HDX: variants seen among roughly 807,000 people sequenced by gnomAD.
HDX encodes the protein highly divergent homeobox, also known as chromosome X open reading frame 43.
Under a neutral mutation model 45.2 loss-of-function variants are expected in HDX, and 19 were observed. The ratio of observed to expected loss-of-function variants is 0.42; its 90% CI spans 0.29 to 0.62. HDX has a LOEUF of 0.62. Ranked by LOEUF, HDX falls within the 20% of genes least tolerant of loss-of-function variation. The pLI is 0.20. For synonymous variants in HDX, 188 were observed against 172.8 expected (o/e 1.09, Z -0.69); for missense variants, 532 against 493.9 (o/e 1.08, Z -0.73).
rs192206636 is a variant in HDX at position 84,397,137 on chromosome X, G to A, written c.1306-35525C>T. ...ATGCAGCAACTGAAGCTACACTTAA[G>A]GAATTCTGCCACTGCATGGTGGCTT... is the stretch of plus-strand genomic sequence containing the variant. On this transcript the variant is annotated intron_variant, in intron 5 of 10. Transcript: ENST00000373177. Among the ~76,000 whole-genome samples the A allele has an allele frequency of 1.7e-3, 190 of 112,241 alleles. 1 individual carries two copies. Among genetic ancestry groups the A allele is most frequent in the African/African-American group, 5.9e-3 (183 of 30,928 alleles).
At chrX:84,456,804 G>C (rs893531488) in intron 4 of HDX, among the ~76,000 whole-genome samples, 1 of 111,383 alleles carries the variant, frequency 9.0e-6, no homozygotes, top group Non-Finnish European at 1.9e-5. Flanking sequence ...TAATGAAAAG[G>C]GGTCAAAACA....
chrX:84,329,850 T>C (rs895765786), intron 9 of HDX, among the ~76,000 whole-genome samples: 1 of 111,407 alleles, frequency 9.0e-6, no homozygotes, highest in African/African-American at 3.3e-5. Flanking sequence ...TGTTTGAATT[T>C]GATTGTTTTT....
intron 6 of HDX, among the ~76,000 whole-genome samples, chrX:84,347,891 A>G (rs2037242372): frequency 9.0e-6 from 1 of 110,550 alleles, no homozygotes; most frequent in Non-Finnish European, 1.9e-5. Flanking sequence ...TTTATCAATG[A>G]TTTTTACAGT....
intron 1 of HDX, among the ~76,000 whole-genome samples, chrX:84,492,774 C>G (rs765145147): frequency 2.7e-5 from 3 of 111,603 alleles, no homozygotes; most frequent in Non-Finnish European, 3.8e-5. Flanking sequence ...ATCCTGAGAT[C>G]CCTGTCTATG....
chrX:84,473,909 TA>T (rs2040497633), intron 3 of HDX, among the ~76,000 whole-genome samples: 1 of 112,361 alleles, frequency 8.9e-6, no homozygotes, highest in Non-Finnish European at 1.9e-5. Flanking sequence ...TAAAGATATT[TA>T]AAATAAGCTG....
intron 4 of HDX, among the ~76,000 whole-genome samples, chrX:84,464,238 G>C (rs1485041333): frequency 9.0e-6 from 1 of 111,083 alleles, no homozygotes; most frequent in Non-Finnish European, 1.9e-5. Context: ...TCGTGAAAAT[G>C]GTCATAGTGC....
At chrX:84,327,685 A>T (rs961298339) in intron 9 of HDX, among the ~76,000 whole-genome samples, 7 of 111,820 alleles carry the variant, frequency 6.3e-5, no homozygotes, top group Non-Finnish European at 1.3e-4. Context: ...ATAAAACTGA[A>T]ACTTTTAGAG....
At chrX:84,396,812 C>T (rs1182891807) in intron 5 of HDX, among the ~76,000 whole-genome samples, 1 of 110,888 alleles carries the variant, frequency 9.0e-6, no homozygotes, top group Non-Finnish European at 1.9e-5. Context: ...TGGGTGATCC[C>T]TAGACCCCTG....
At chrX:84,419,947 C>T (rs1399626349) in intron 5 of HDX, among the ~76,000 whole-genome samples, 1 of 111,887 alleles carries the variant, frequency 8.9e-6, no homozygotes, top group Non-Finnish European at 1.9e-5. Context: ...GCAAGAACCA[C>T]AGTGTTAAAG....
At chrX:84,393,537 T>C (rs758357773) in intron 5 of HDX, among the ~76,000 whole-genome samples, 15 of 111,646 alleles carry the variant, frequency 1.3e-4, no homozygotes, top group Non-Finnish European at 2.8e-4. Context: ...GCTGGCATTA[T>C]AAAATGAGTT....
chrX:84,485,335 G>A (rs939116140), intron 2 of HDX, among the ~76,000 whole-genome samples: 5 of 111,835 alleles, frequency 4.5e-5, no homozygotes, highest in Admixed American at 3.8e-4. Context: ...ACTAAAAGAA[G>A]AATGGTGTAA....
At chrX:84,405,588 C>CTTTTTTTTTTTTT (rs55758874) in intron 5 of HDX, among the ~76,000 whole-genome samples, 107 of 58,117 alleles carry the variant, frequency 1.8e-3, no homozygotes, top group Non-Finnish European at 2.3e-3. Flanking sequence ...GGATTTTCTG[C>CTTTTTTTTTTTTT]TTTTTTTTTT....
intron 4 of HDX, among the ~76,000 whole-genome samples, chrX:84,464,009 T>C (rs1158467056): frequency 9.0e-6 from 1 of 111,496 alleles, no homozygotes; most frequent in African/African-American, 3.3e-5. Flanking sequence ...CCAGAAATAG[T>C]ATCACGGCTT....
At chrX:84,337,185 C>T (rs766179484) in intron 7 of HDX, among the ~76,000 whole-genome samples, 9 of 109,908 alleles carry the variant, frequency 8.2e-5, no homozygotes, top group Admixed American at 2.9e-4. Context: ...ATTATGAAGC[C>T]GCTAAAATTG....
intron 6 of HDX, among the ~76,000 whole-genome samples, chrX:84,345,498 G>A (rs1263293309): frequency 9.0e-6 from 1 of 111,542 alleles, no homozygotes; most frequent in Non-Finnish European, 1.9e-5. Context: ...AGTATTCCAT[G>A]ATATATATTT....
rs779191109 is a variant in HDX at position 84,357,466 on chromosome X, A to G, written c.1452+4000T>C. ...ATGCTAAGTTATGCAGAAAAGGAAA[A>G]AATGATATTTCACTACATAATTCAA... On this transcript the variant is annotated intron_variant, in intron 6 of 10. Transcript: ENST00000373177. 8.5e-4 allele frequency among the ~76,000 whole-genome samples: 95 copies of G among 112,023 alleles called. 1 individual carries two copies. The highest frequency in any genetic ancestry group is 3.0e-3 in the African/African-American group (94 of 30,877).
intron 4 of HDX, among the ~76,000 whole-genome samples, chrX:84,464,704 C>A (rs1049561979): frequency 8.9e-6 from 1 of 111,882 alleles, no homozygotes; most frequent in Admixed American, 9.5e-5. Flanking sequence ...AAACGTAAGA[C>A]CTAAAACCAT....
At chrX:84,376,682 G>A (rs2038064900) in intron 5 of HDX, among the ~76,000 whole-genome samples, 1 of 112,227 alleles carries the variant, frequency 8.9e-6, no homozygotes, top group Admixed American at 9.4e-5. Context: ...AGGGAAAAGT[G>A]GGAAGGACTG....
At chrX:84,497,158 CTG>C (rs1400286098) in intron 1 of HDX, among the ~76,000 whole-genome samples, 3 of 112,156 alleles carry the variant, frequency 2.7e-5, no homozygotes, top group Non-Finnish European at 5.6e-5. Context: ...CCATGTGGAA[CTG>C]TGAGTCAGTT....
Sources: gnomAD v4.1 joint callset for allele counts (sites outside exome capture counted in the v4.1 genomes callset) on GRCh38, gnomAD v4.1.1 for gene constraint, MANE v1.5 for transcripts, NCBI Gene and HGNC (gene_info 2026-07-23, HGNC 2026-07-21) for gene names.